The following ITSN1 variants were observed in gnomAD, a reference collection of about 807,000 sequenced individuals.
The protein encoded by ITSN1 is intersectin-1.
In ITSN1, 58 loss-of-function variants were observed where a neutral mutation model predicts 239.8. The ratio of observed to expected loss-of-function variants is 0.24; its 90% CI spans 0.20 to 0.30. The LOEUF (loss-of-function observed/expected upper bound fraction) is 0.30. ITSN1 is among the 10% of genes least tolerant of loss of function. ITSN1 has a pLI of 1.00. For missense variants in ITSN1, 1,558 were observed against 2,103.3 expected, an observed-to-expected ratio of 0.74 and a Z score of 5.07; for synonymous variants, 780 against 770.8, an observed-to-expected ratio of 1.01 and a Z score of -0.20.
At chr21:33,758,458 T>G (rs2068072388) in intron 8 of ITSN1, among the ~76,000 whole-genome samples, 1 of 152,222 alleles carries the variant, frequency 6.6e-6, no homozygotes, top group Admixed American at 6.5e-5. Context: ...TGGGTTGATT[T>G]AGCCGATACA....
chr21:33,755,009 T>C (rs2067814739), intron 7 of ITSN1, among the ~76,000 whole-genome samples: 1 of 152,212 alleles, frequency 6.6e-6, no homozygotes, highest in Non-Finnish European at 1.5e-5. Context: ...TTCATACTTT[T>C]ATAGAACCTT....
At chr21:33,820,463 A>G (rs566221625) in intron 24 of ITSN1, among the ~76,000 whole-genome samples, 2 of 152,326 alleles carry the variant, frequency 1.3e-5, no homozygotes, top group African/African-American at 4.8e-5. Flanking sequence ...AGAATGTTTT[A>G]TTTAGTTTGT....
At chr21:33,820,861 GA>G (rs1311433248) in intron 24 of ITSN1, among the ~76,000 whole-genome samples, 2 of 150,706 alleles carry the variant, frequency 1.3e-5, no homozygotes, top group Non-Finnish European at 1.5e-5. Flanking sequence ...AAAAGATAAA[GA>G]AAAAAACTTT....
intron 20 of ITSN1, among the ~76,000 whole-genome samples, chr21:33,809,934 C>G (rs1260372532): frequency 2.0e-5 from 3 of 152,166 alleles, no homozygotes; most frequent in South Asian, 2.1e-4. Flanking sequence ...GCTGGGATTA[C>G]AGGCATGCGC....
intron 26 of ITSN1, among the ~76,000 whole-genome samples, chr21:33,827,745 G>A (rs919806998): frequency 6.6e-6 from 1 of 152,200 alleles, no homozygotes; most frequent in Non-Finnish European, 1.5e-5. Flanking sequence ...AAAGAAAGAA[G>A]CGGATGTGAA....
At chr21:33,701,048 C>G (rs1159986537) in intron 1 of ITSN1, among the ~76,000 whole-genome samples, 1 of 151,404 alleles carries the variant, frequency 6.6e-6, no homozygotes, top group Non-Finnish European at 1.5e-5. Flanking sequence ...GGTGCAATCT[C>G]AGCTCATGCA....
chr21:33,812,760 A>G (rs2073000742), intron 21 of ITSN1, among the ~76,000 whole-genome samples: 1 of 152,060 alleles, frequency 6.6e-6, no homozygotes, highest in Non-Finnish European at 1.5e-5. Context: ...TGGCCTCCCA[A>G]AGCGCTGGGA....
In ITSN1 at chr21:33,700,973, G is replaced by GTGTA. The variant is rs572457851; in HGVS notation, c.-32-17821_-32-17820insATGT. Among the ~76,000 whole-genome samples the GTGTA allele has an allele frequency of 2.5e-3, 376 of 151,548 alleles. 1 individual carries two copies. Among genetic ancestry groups the GTGTA allele is most frequent in the Non-Finnish European group, 4.1e-3 (280 of 67,846 alleles). On this transcript the variant is annotated intron_variant, in intron 1 of 39. Transcript: ENST00000381318. Reference sequence around the variant, plus strand: ...TTTCTGTGTGTGTGTGTGTGTGTGTGTGTGTGTGTGTGTGTGTTTTCTTAT... The same window carrying GTGTA: ...TTTCTGTGTGTGTGTGTGTGTGTGTGTGTATGTGTGTGTGTGTGTGTTTTCTTAT...
rs529276148 is a variant in ITSN1, at chr21:33,837,078, G to A, written c.3661+446G>A. 3.8e-6 allele frequency: 6 copies of A among 1,588,006 alleles called. 1 individual carries two copies. In the South Asian group the frequency reaches 6.9e-5, roughly 18 times the overall value. ...ACTGCCCAGAGGGATGATGGGAGAT[G>A]CAGCCTTGATCATGTGACTTCCAGC... On this transcript the variant is annotated intron_variant, in intron 29 of 39. Coordinates refer to ENST00000381318, the MANE Select transcript of ITSN1 (RefSeq NM_003024.3).
intron 1 of ITSN1, among the ~76,000 whole-genome samples, chr21:33,679,675 TTG>T (rs1310713842): frequency 6.6e-6 from 1 of 151,742 alleles, no homozygotes; most frequent in Non-Finnish European, 1.5e-5. Flanking sequence ...CCTCCCTTTT[TTG>T]TGTGTTTTTT....
intron 4 of ITSN1, among the ~76,000 whole-genome samples, chr21:33,734,687 T>C (rs2066390826): frequency 6.6e-6 from 1 of 152,234 alleles, no homozygotes; most frequent in South Asian, 2.1e-4. Flanking sequence ...GTTTAAAGTA[T>C]CTAATTCATT....
Position 33,723,340 on chromosome 21 carries a change from C to T in ITSN1, c.185+689C>T, listed in dbSNP as rs115605105. 7.2e-3 allele frequency among the ~76,000 whole-genome samples: 1,101 copies of T among 152,220 alleles called. 14 individuals carry two copies. Among genetic ancestry groups the T allele is most frequent in the African/African-American group, 0.025 (1,044 of 41,538 alleles). On this transcript the variant is annotated intron_variant, in intron 4 of 39. Coordinates refer to ENST00000381318, the MANE Select transcript of ITSN1 (RefSeq NM_003024.3). ...ATGAAGAAAGAGCATGTAGGCTGGGCGCGGTGGCTCATGCCTGTAATCCCA... is the reference window on the plus strand; with the variant it reads ...ATGAAGAAAGAGCATGTAGGCTGGGTGCGGTGGCTCATGCCTGTAATCCCA...
intron 1 of ITSN1, among the ~76,000 whole-genome samples, chr21:33,671,616 A>G (rs919215715): frequency 5.9e-5 from 9 of 152,028 alleles, no homozygotes; most frequent in Middle Eastern, 3.2e-3. Context: ...CAGCCTGACC[A>G]ACATGGTGAA....
At chr21:33,778,331 A>G (rs1174587014) in intron 14 of ITSN1, among the ~76,000 whole-genome samples, 2 of 151,936 alleles carry the variant, frequency 1.3e-5, no homozygotes, top group Non-Finnish European at 2.9e-5. Flanking sequence ...TTCCTCCTCT[A>G]TTTTCTAAAA....
chr21:33,719,943 C>T, intron 2 of ITSN1, among the ~76,000 whole-genome samples: 1 of 152,138 alleles, frequency 6.6e-6, no homozygotes, highest in East Asian at 1.9e-4. Context: ...ACGGATTACT[C>T]TTGGAAGCTG....
intron 29 of ITSN1, chr21:33,837,308 C>G: frequency 8.7e-7 from 1 of 1,143,082 alleles, no homozygotes; most frequent in Non-Finnish European, 1.1e-6. Context: ...CAGGTGCTTT[C>G]AATAGTTTTA....
At chr21:33,704,923 T>TAAAAAAA (rs55966725) in intron 1 of ITSN1, among the ~76,000 whole-genome samples, 2 of 93,666 alleles carry the variant, frequency 2.1e-5, no homozygotes, top group African/African-American at 8.7e-5. Context: ...CCATCTCTAC[T>TAAAAAAA]AAAAAAAAAA....
At chr21:33,868,050 C>T (rs1459655904) in intron 33 of ITSN1, among the ~76,000 whole-genome samples, 3 of 152,200 alleles carry the variant, frequency 2.0e-5, no homozygotes, top group African/African-American at 4.8e-5. Flanking sequence ...AAAGCTTCCA[C>T]GGTGTGGAAA....
chr21:33,761,349 G>A (rs776144174), intron 8 of ITSN1, among the ~76,000 whole-genome samples: 7 of 151,914 alleles, frequency 4.6e-5, no homozygotes, highest in Non-Finnish European at 8.8e-5. Flanking sequence ...TTACAGGCAC[G>A]AGTGACCACA....
Sources: allele counts gnomAD v4.1 joint callset (sites outside exome capture counted in the v4.1 genomes callset), GRCh38; gene constraint gnomAD v4.1.1; transcripts MANE v1.5; gene names NCBI Gene and HGNC (gene_info 2026-07-23, HGNC 2026-07-21).